The following GPM6A variants were observed in gnomAD, a reference collection of about 807,000 sequenced individuals.
The protein encoded by GPM6A is glycoprotein M6A, also known as neuronal membrane glycoprotein M6-a.
GPM6A carries 7 observed loss-of-function variants against 32.1 expected under a neutral mutation model. The observed-to-expected ratio is 0.22, with a 90% CI of 0.12 to 0.41. The LOEUF is 0.41. Among genes scored for constraint, GPM6A ranks in the 10% least tolerant of loss-of-function variants. GPM6A has a pLI of 1.00. For missense variants in GPM6A, 235 were observed against 347.2 expected (o/e 0.68, Z 2.57); for synonymous variants, 130 against 123.4 (o/e 1.05, Z -0.35).
intron 1 of GPM6A, among the ~76,000 whole-genome samples, chr4:175,982,055 T>C (rs1740835999): frequency 6.6e-6 from 1 of 152,184 alleles, no homozygotes; most frequent in Non-Finnish European, 1.5e-5. Context: ...CACCTGTATA[T>C]CTTTCTTAGT....
At chr4:175,856,912 G>T (rs776894701) in intron 1 of GPM6A, among the ~76,000 whole-genome samples, 18 of 152,224 alleles carry the variant, frequency 1.2e-4, no homozygotes, top group Admixed American at 9.2e-4. Context: ...GGCCAGGGTT[G>T]TTTTGTAAAA....
chr4:175,938,683 A>T (rs1160258608), intron 1 of GPM6A, among the ~76,000 whole-genome samples: 1 of 151,736 alleles, frequency 6.6e-6, no homozygotes, highest in Non-Finnish European at 1.5e-5. Context: ...GATTCTGGGT[A>T]TTAGACCTCT....
At chr4:175,892,026 A>G (rs751617510) in intron 1 of GPM6A, among the ~76,000 whole-genome samples, 2 of 152,200 alleles carry the variant, frequency 1.3e-5, no homozygotes, top group African/African-American at 2.4e-5. Flanking sequence ...CACAGACTCA[A>G]TAAAAATCAG....
intron 1 of GPM6A, among the ~76,000 whole-genome samples, chr4:175,897,633 C>A (rs1737838013): frequency 6.6e-6 from 1 of 152,104 alleles, no homozygotes; most frequent in Non-Finnish European, 1.5e-5. Flanking sequence ...ACGTTAGAGA[C>A]CCATTCTTTG....
chr4:175,936,225 A>G (rs1012053078), intron 1 of GPM6A, among the ~76,000 whole-genome samples: 2 of 139,412 alleles, frequency 1.4e-5, no homozygotes, highest in African/African-American at 2.7e-5. Context: ...AGAATGGCGT[A>G]AACCCGGGAG....
intron 1 of GPM6A, among the ~76,000 whole-genome samples, chr4:175,900,242 C>T (rs1469236060): frequency 6.7e-6 from 1 of 148,266 alleles, no homozygotes; most frequent in Admixed American, 6.8e-5. Flanking sequence ...CACTGCACTC[C>T]AGTCTGGGTG....
chr4:175,844,047 TTG>T (rs1257862316), intron 1 of GPM6A, among the ~76,000 whole-genome samples: 1 of 152,190 alleles, frequency 6.6e-6, no homozygotes, highest in Non-Finnish European at 1.5e-5. Context: ...ATGTCTCTTC[TTG>T]GTAATTTCTC....
intron 1 of GPM6A, among the ~76,000 whole-genome samples, chr4:175,723,281 A>C (rs1746239121): frequency 6.6e-6 from 1 of 152,228 alleles, no homozygotes; most frequent in Admixed American, 6.5e-5. Flanking sequence ...ACTAGGAAGC[A>C]AATGTCCCTG....
At chr4:175,663,281 A>G (rs1742536790) in intron 3 of GPM6A, among the ~76,000 whole-genome samples, 1 of 152,206 alleles carries the variant, frequency 6.6e-6, no homozygotes. Flanking sequence ...CGAAACTTGG[A>G]AGTAACCAAG....
chr4:175,963,086 G>GA (rs969796569), intron 1 of GPM6A, among the ~76,000 whole-genome samples: 2 of 150,868 alleles, frequency 1.3e-5, no homozygotes, highest in South Asian at 2.1e-4. Flanking sequence ...CAGTAAGCTT[G>GA]AAAAAAAAGT....
intron 3 of GPM6A, 138 bp from the exon 4 acceptor site, chr4:175,652,125 C>G (rs1203043059): frequency 1.8e-6 from 1 of 565,488 alleles, no homozygotes; most frequent in Non-Finnish European, 3.0e-6. Context: ...TGTTGATTTG[C>G]AGCACAGAAG....
At chr4:175,891,054 C>T (rs946608560) in intron 1 of GPM6A, among the ~76,000 whole-genome samples, 36 of 151,966 alleles carry the variant, frequency 2.4e-4, no homozygotes, top group African/African-American at 8.7e-4. Flanking sequence ...TAGGGTCTGG[C>T]CTGGAACTCA....
intron 1 of GPM6A, chr4:175,787,627 A>G: frequency 7.7e-7 from 1 of 1,302,250 alleles, no homozygotes; most frequent in Non-Finnish European, 9.8e-7. Flanking sequence ...CCATGTATCT[A>G]ATTGCTTTAC....
intron 1 of GPM6A, among the ~76,000 whole-genome samples, chr4:175,987,029 G>C (rs187931559): frequency 6.6e-6 from 1 of 152,206 alleles, no homozygotes; most frequent in Non-Finnish European, 1.5e-5. Flanking sequence ...ATCCTTTACT[G>C]ACATTTTAAG....
At chr4:175,870,495 T>C (rs1198826619) in intron 1 of GPM6A, among the ~76,000 whole-genome samples, 2 of 152,220 alleles carry the variant, frequency 1.3e-5, no homozygotes, top group South Asian at 4.1e-4. Flanking sequence ...ATAAAAATAA[T>C]GTATATAAAA....
intron 1 of GPM6A, among the ~76,000 whole-genome samples, chr4:175,818,808 G>C (rs1174994978): frequency 6.6e-6 from 1 of 152,172 alleles, no homozygotes; most frequent in Non-Finnish European, 1.5e-5. Context: ...AAACGATAAT[G>C]AGATATTTCA....
intron 1 of GPM6A, among the ~76,000 whole-genome samples, chr4:176,000,974 G>A (rs79130877): frequency 0.02 from 3,047 of 152,216 alleles, 51 homozygotes; most frequent in Middle Eastern, 0.051. Flanking sequence ...TTATACAAAG[G>A]CCCTAAAAAT....
At chr4:175,721,439 G>T (rs2111116604) in intron 1 of GPM6A, among the ~76,000 whole-genome samples, 1 of 151,422 alleles carries the variant, frequency 6.6e-6, no homozygotes, top group East Asian at 2.0e-4. Context: ...TCACACCACT[G>T]CACTCCAGTC....
chr4:175,850,058 AAT>A (rs1408485506), intron 1 of GPM6A, among the ~76,000 whole-genome samples: 1 of 152,208 alleles, frequency 6.6e-6, no homozygotes, highest in African/African-American at 2.4e-5. Flanking sequence ...TTCTATAAAA[AAT>A]AACAGTACCT....
Sources: allele counts gnomAD v4.1 joint callset (sites outside exome capture counted in the v4.1 genomes callset), GRCh38; gene constraint gnomAD v4.1.1; transcripts MANE v1.5; gene names NCBI Gene and HGNC (gene_info 2026-07-23, HGNC 2026-07-21).